The following GATAD2B variants were observed in gnomAD, a reference collection of about 807,000 sequenced individuals.
The protein encoded by GATAD2B is GATA zinc finger domain containing 2B.
A neutral mutation model predicts 64.3 loss-of-function variants in GATAD2B; 8 were observed. That is an observed-to-expected ratio of 0.12 (90% CI 0.07 to 0.22). GATAD2B has a LOEUF of 0.22. Among genes scored for constraint, GATAD2B ranks in the 10% least tolerant of loss-of-function variants. The pLI, the probability that GATAD2B is intolerant of heterozygous loss-of-function variation, is 1.00. For synonymous variants in GATAD2B, 281 were observed against 271.3 expected, an observed-to-expected ratio of 1.04 and a Z score of -0.35; for missense variants, 453 against 752.0, an observed-to-expected ratio of 0.60 and a Z score of 4.65.
intron 1 of GATAD2B, among the ~76,000 whole-genome samples, chr1:153,840,430 TG>T (rs1380530331): frequency 6.6e-6 from 1 of 151,324 alleles, no homozygotes; most frequent in East Asian, 2.0e-4. Flanking sequence ...CTCCGCCTCC[TG>T]GGTTCAAGCA....
At chr1:153,855,131 T>A (rs1300427794) in intron 1 of GATAD2B, among the ~76,000 whole-genome samples, 1 of 152,210 alleles carries the variant, frequency 6.6e-6, no homozygotes, top group Non-Finnish European at 1.5e-5. Flanking sequence ...ATTAGGGAAT[T>A]ATTATTAATC....
intron 1 of GATAD2B, among the ~76,000 whole-genome samples, chr1:153,920,240 A>AG (rs1407781578): frequency 1.3e-5 from 2 of 152,252 alleles, no homozygotes; most frequent in Non-Finnish European, 2.9e-5. Context: ...AGATGAATTC[A>AG]GAGGTCTCAA....
chr1:153,901,750 G>A (rs1677779971), intron 1 of GATAD2B, among the ~76,000 whole-genome samples: 1 of 150,640 alleles, frequency 6.6e-6, no homozygotes, highest in Admixed American at 6.6e-5. Context: ...CTTGAACCCA[G>A]GAGGTGGAGG....
Position 153,854,335 on chromosome 1 carries a change from G to A in GATAD2B, c.-1-25987C>T, listed in dbSNP as rs551863136. Among the ~76,000 whole-genome samples the A allele has an allele frequency of 3.9e-5, 6 of 152,190 alleles. No homozygotes were observed. The South Asian group carries it at 6.2e-4, about 16-fold the overall frequency. On this transcript the variant is annotated intron_variant, in intron 1 of 10. Coordinates refer to ENST00000368655, the MANE Select transcript of GATAD2B (RefSeq NM_020699.4). ...GGAGAATGGTGTGAACCCGGGAGGT[G>A]GAGCTTGCAGTGAGCCGAGATCTTG...
chr1:153,876,897 G>A (rs1676853515), intron 1 of GATAD2B, among the ~76,000 whole-genome samples: 1 of 152,154 alleles, frequency 6.6e-6, no homozygotes, highest in Non-Finnish European at 1.5e-5. Flanking sequence ...CAGCTACTCG[G>A]GAGGCTGAGG....
intron 1 of GATAD2B, among the ~76,000 whole-genome samples, chr1:153,885,603 C>T (rs1412170809): frequency 6.6e-6 from 1 of 151,812 alleles, no homozygotes; most frequent in Non-Finnish European, 1.5e-5. Flanking sequence ...CGCGGTGGCT[C>T]ATGCCTGTAA....
chr1:153,848,182 C>A (rs1305468856), intron 1 of GATAD2B, among the ~76,000 whole-genome samples: 1 of 152,170 alleles, frequency 6.6e-6, no homozygotes, highest in Non-Finnish European at 1.5e-5. Context: ...CCAGTCACTG[C>A]CCCATGTCCC....
At chr1:153,837,379 A>C (rs1261169906) in intron 1 of GATAD2B, among the ~76,000 whole-genome samples, 1 of 143,714 alleles carries the variant, frequency 7.0e-6, no homozygotes, top group East Asian at 2.0e-4. Flanking sequence ...AAAACAAACA[A>C]AAAAAAAAAC....
At chr1:153,822,561 G>A (rs1186206301) in intron 2 of GATAD2B, among the ~76,000 whole-genome samples, 1 of 152,192 alleles carries the variant, frequency 6.6e-6, no homozygotes, top group Non-Finnish European at 1.5e-5. Flanking sequence ...CACCGGGGCT[G>A]GAGGGCAATG....
intron 1 of GATAD2B, among the ~76,000 whole-genome samples, chr1:153,833,823 AAAAAAAAAG>A (rs1675164869): frequency 2.8e-5 from 4 of 145,416 alleles, no homozygotes; most frequent in African/African-American, 8.4e-5. Context: ...AAAAAAAAAA[AAAAAAAAAG>A]AAAAAAGAAA....
At position 153,896,950 on chromosome 1, in the gene GATAD2B, G is replaced by C. The variant is rs546646286; in HGVS notation, c.-2+25783C>G. ...CATTTTTGAAGGATCTTTTCAAAAA[G>C]AGAAATTGGTTAAACAAATACTTCC... On this transcript the variant is annotated intron_variant, in intron 1 of 10. Transcript: ENST00000368655. Among the ~76,000 whole-genome samples the C allele has an allele frequency of 3.3e-5, 5 of 152,002 alleles. No individual in the cohort carries two copies. In the East Asian group the frequency reaches 9.7e-4, roughly 29 times the overall value.
At chr1:153,865,390 G>A (rs1676441028) in intron 1 of GATAD2B, among the ~76,000 whole-genome samples, 2 of 152,094 alleles carry the variant, frequency 1.3e-5, no homozygotes, top group Admixed American at 6.6e-5. Context: ...GAACATGGGA[G>A]GCGGAGGTTG....
At chr1:153,892,270 G>A (rs1677437467) in intron 1 of GATAD2B, among the ~76,000 whole-genome samples, 1 of 151,830 alleles carries the variant, frequency 6.6e-6, no homozygotes, top group African/African-American at 2.4e-5. Flanking sequence ...AGTAAAACAG[G>A]TAACAAGACT....
In GATAD2B at chr1:153,816,242, TAAA is replaced by T; in HGVS notation, c.1216+28_1216+30del. ...CAATCAGGCTTGGCAACCACTTGCT[TAAA>T]TAGATTGATTAGAAGAAACAGCCTT... On this transcript the variant is annotated intron_variant, in intron 7 of 10. Transcript: ENST00000368655. This position sits in a 1 kb window ranked among gnomAD's most constrained non-coding sequence, Gnocchi z 4.9. 1 of 1,494,976 alleles carries T rather than the reference TAAA, an allele frequency of 6.7e-7. No individual in the cohort carries two copies. The highest frequency in any genetic ancestry group is 1.2e-5 in the South Asian group (1 of 86,698). The allele number at this position is 1,494,976 out of a possible 1,614,324, so 92.6% of individuals were successfully genotyped here.
chr1:153,904,892 A>C (rs937950810), intron 1 of GATAD2B, among the ~76,000 whole-genome samples: 9 of 152,240 alleles, frequency 5.9e-5, no homozygotes, highest in Admixed American at 5.2e-4. Flanking sequence ...TTTTTAGTAG[A>C]GACGGGGTTT....
At chr1:153,819,326 T>G (rs1674592407) in intron 3 of GATAD2B, among the ~76,000 whole-genome samples, 1 of 152,262 alleles carries the variant, frequency 6.6e-6, no homozygotes, top group South Asian at 2.1e-4. Flanking sequence ...AGCCAAGAGT[T>G]TACTTTATAT....
Position 153,879,012 on chromosome 1 carries a change from T to G in GATAD2B, c.-2+43721A>C, listed in dbSNP as rs534223031. Among the ~76,000 whole-genome samples the G allele has an allele frequency of 2.6e-5, 4 of 152,138 alleles. No individual in the cohort carries two copies. In the South Asian group the frequency reaches 8.3e-4, roughly 32 times the overall value. On this transcript the variant is annotated intron_variant, in intron 1 of 10. Coordinates refer to ENST00000368655, the MANE Select transcript of GATAD2B (RefSeq NM_020699.4). ...GAAAGTGCAGTGGTACGATCTTGGC[T>G]CACTGCAACCTCCGCCTCCCGGGTT...
chr1:153,821,344 G>A (rs918355614), intron 2 of GATAD2B, among the ~76,000 whole-genome samples: 1 of 151,900 alleles, frequency 6.6e-6, no homozygotes, highest in African/African-American at 2.4e-5. Context: ...TTCCTAACAG[G>A]GTAAATCTGA....
At chr1:153,897,379 A>T (rs1396308232) in intron 1 of GATAD2B, among the ~76,000 whole-genome samples, 2 of 152,196 alleles carry the variant, frequency 1.3e-5, no homozygotes, top group Non-Finnish European at 2.9e-5. Flanking sequence ...GATGAAAAGT[A>T]CTCAAATCAT....
Sources: gnomAD v4.1 joint callset for allele counts (sites outside exome capture counted in the v4.1 genomes callset) on GRCh38, gnomAD v4.1.1 for gene constraint, Gnocchi (gnomAD v3.1) non-coding constraint, MANE v1.5 for transcripts, NCBI Gene and HGNC (gene_info 2026-07-23, HGNC 2026-07-21) for gene names.